SMC2: variants seen among roughly 807,000 people sequenced by gnomAD.
SMC2 encodes structural maintenance of chromosomes protein 2.
Under a neutral mutation model 142.6 loss-of-function variants are expected in SMC2, and 41 were observed. That is an observed-to-expected ratio of 0.29 (90% CI 0.22 to 0.37). The LOEUF is 0.37. SMC2 is among the 10% of genes least tolerant of loss of function. The probability of loss-of-function intolerance (pLI) is 1.00; values close to 1 mark genes in which losing one functional copy is unlikely to be tolerated. For missense variants in SMC2, 1,265 were observed against 1,373.7 expected (o/e 0.92, Z 1.25); for synonymous variants, 463 against 457.5 (o/e 1.01, Z -0.15).
intron 7 of SMC2, among the ~76,000 whole-genome samples, chr9:104,100,765 A>C (rs529396979): frequency 6.6e-6 from 1 of 152,308 alleles, no homozygotes; most frequent in South Asian, 2.1e-4. Flanking sequence ...ACTCTTAGAC[A>C]CCCTCATTGA....
rs922660787 is a variant in SMC2, at chr9:104,096,249, A to G, written c.270A>G (p.Gln90=). ...CTTTTGATAATTCTGACAAAAAGCA[A>G]AGTCCTTTAGGATTTGAGGTTCATG... ...SITFDNSDKK[Q]SPLGFEVHDE... is the part of the protein sequence containing the mutation. The change falls in exon 3 of 25, where the codon CAA becomes CAG. Residue 90 remains glutamine (Q), a synonymous_variant. Transcript: ENST00000374793. The G allele has an allele frequency of 3.1e-6, 5 of 1,614,074 alleles. No individual in the cohort carries two copies. In the African/African-American group the frequency reaches 5.3e-5, roughly 17 times the overall value.
intron 4 of SMC2, 72 bp downstream of exon 4, chr9:104,098,640 A>C: frequency 7.1e-7 from 1 of 1,399,800 alleles, no homozygotes; most frequent in Non-Finnish European, 9.8e-7. Flanking sequence ...CAATTAAAAT[A>C]GAAGTACTTT....
chr9:104,108,840 T>C (rs1367802995), intron 9 of SMC2, among the ~76,000 whole-genome samples: 2 of 152,112 alleles, frequency 1.3e-5, no homozygotes, highest in African/African-American at 4.8e-5. Flanking sequence ...CCCCATACAG[T>C]TGAGGGACCC....
intron 7 of SMC2, 83 bp from the exon 8 acceptor site, chr9:104,101,877 G>A (rs1831169898): frequency 2.5e-6 from 2 of 796,286 alleles, no homozygotes; most frequent in South Asian, 1.8e-5. Context: ...ATTATGTAAT[G>A]AGAAATTTGT....
intron 9 of SMC2, among the ~76,000 whole-genome samples, chr9:104,109,195 G>A (rs1832147128): frequency 6.6e-6 from 1 of 152,042 alleles, no homozygotes; most frequent in Non-Finnish European, 1.5e-5. Context: ...TAACATATCC[G>A]GAATAGAATT....
chr9:104,129,830 A>G lies in SMC2; in HGVS notation c.2976A>G (p.Thr992=). 1 of 1,613,346 alleles carries G rather than the reference A, an allele frequency of 6.2e-7. No homozygotes were observed. The highest frequency in any genetic ancestry group is 8.5e-7 in the Non-Finnish European group (1 of 1,179,518). Residue 992 remains threonine, a synonymous_variant, in exon 21 of 25, where the codon ACA becomes ACG. Transcript: ENST00000374793. Reference sequence around the variant, plus strand: ...ATATGAGAGCTATGAATGTATTGACAGAAGCTGAAGAGCGAGTAAGTCAAT... The same window carrying G: ...ATATGAGAGCTATGAATGTATTGACGGAAGCTGAAGAGCGAGTAAGTCAAT... ...NVNMRAMNVL[T]EAEERYNDLM...
intron 23 of SMC2, among the ~76,000 whole-genome samples, chr9:104,135,171 AAG>A (rs1835396214): frequency 6.6e-6 from 1 of 151,922 alleles, no homozygotes; most frequent in Non-Finnish European, 1.5e-5. Flanking sequence ...ATCAAAATTA[AAG>A]AGAAAAATTA....
chr9:104,095,434 G>A lies in SMC2; in HGVS notation c.50G>A (p.Arg17Lys), dbSNP rs1349170852. Residue 17 changes from arginine to lysine, a missense_variant, in exon 2 of 25, where the codon AGG becomes AAG. By Grantham distance (26) the Arg-to-Lys change is conservative (BLOSUM62 2). Around this residue, in one of 4 missense-constraint regions of SMC2, gnomAD observed 168 missense variants for 184.8 expected, o/e 0.91. Transcript: ENST00000374793. The stretch of plus-strand genomic sequence containing the variant: ...GAGGGATTCAAGTCCTATGCTCAGA[G>A]GACCGAAGTCAATGGTTTTGACCCC... The part of the protein sequence containing the change: ...ILEGFKSYAQ[R>K]TEVNGFDPLF... 3 of 1,613,758 alleles carry A rather than the reference G, an allele frequency of 1.9e-6. No homozygotes were observed. The highest frequency in any genetic ancestry group is 2.5e-6 in the Non-Finnish European group (3 of 1,179,974).
intron 21 of SMC2, among the ~76,000 whole-genome samples, chr9:104,131,434 G>A (rs1407289378): frequency 6.6e-6 from 1 of 152,014 alleles, no homozygotes; most frequent in Non-Finnish European, 1.5e-5. Flanking sequence ...CTGGTTGATT[G>A]GTGCAGCAAG....
intron 15 of SMC2, among the ~76,000 whole-genome samples, chr9:104,119,706 C>G (rs2131444939): frequency 6.6e-6 from 1 of 152,264 alleles, no homozygotes; most frequent in South Asian, 2.1e-4. Context: ...CTAAAGTTTA[C>G]TTTCAGAAGA....
At chr9:104,137,256 T>C (rs1394540283) in intron 23 of SMC2, among the ~76,000 whole-genome samples, 1 of 152,156 alleles carries the variant, frequency 6.6e-6, no homozygotes, top group Non-Finnish European at 1.5e-5. Context: ...TAATTTTTAG[T>C]CTAATGTTAA....
In SMC2 at chr9:104,141,371, A is replaced by G. The variant is rs1394515160; in HGVS notation, c.*2056A>G. ...GAACCTAAGATATACTACGTCACTG[A>G]CAGCTTGAACATTTGTATTTATTGT... On this transcript the variant is annotated 3_prime_UTR_variant, in exon 25 of 25. Transcript: ENST00000374793. 6.6e-6 allele frequency: 1 copy of G among 152,180 alleles called. No individual in the cohort carries two copies. The highest frequency in any genetic ancestry group is 1.5e-5 in the Non-Finnish European group (1 of 68,030). The allele number at this position is 152,180 out of a possible 1,614,324, so 9.4% of individuals were successfully genotyped here. A position where few individuals can be genotyped will look rare whatever the true frequency, so the allele number is the denominator to read the frequency against.
At chr9:104,109,994 A>G (rs944246761) in intron 9 of SMC2, among the ~76,000 whole-genome samples, 2 of 152,226 alleles carry the variant, frequency 1.3e-5, no homozygotes. Flanking sequence ...ATAATTTTGT[A>G]GCCACCTCCT....
chr9:104,113,898 T>G, intron 11 of SMC2, 66 bp from the exon 12 acceptor site: 3 of 951,768 alleles, frequency 3.2e-6, no homozygotes, highest in Non-Finnish European at 1.5e-6. Context: ...GTTGCTAATA[T>G]TTTCCTTAAA....
intron 9 of SMC2, among the ~76,000 whole-genome samples, chr9:104,106,090 G>A (rs1831738154): frequency 6.6e-6 from 1 of 152,086 alleles, no homozygotes; most frequent in African/African-American, 2.4e-5. Flanking sequence ...CTCACTAATA[G>A]GCCATCTTGA....
chr9:104,100,000 T>G, intron 5 of SMC2, 93 bp from the exon 6 acceptor site: 2 of 746,322 alleles, frequency 2.7e-6, no homozygotes, highest in Non-Finnish European at 4.4e-6. Flanking sequence ...GTAAGATGTT[T>G]AGTGAGGTCA....
intron 14 of SMC2, among the ~76,000 whole-genome samples, chr9:104,117,932 C>G (rs1243954274): frequency 6.6e-6 from 1 of 152,088 alleles, no homozygotes; most frequent in African/African-American, 2.4e-5. Flanking sequence ...TCATAATGCT[C>G]CATACTAGCT....
intron 3 of SMC2, among the ~76,000 whole-genome samples, chr9:104,096,933 G>A (rs895488811): frequency 6.6e-6 from 1 of 152,008 alleles, no homozygotes; most frequent in Non-Finnish European, 1.5e-5. Flanking sequence ...ACCTTAGATT[G>A]GGTGTACCAA....
At chr9:104,132,179 G>A in intron 22 of SMC2, 54 bp downstream of exon 22, 1 of 910,244 alleles carries the variant, frequency 1.1e-6, no homozygotes, top group South Asian at 1.4e-5. Context: ...AATATCATCA[G>A]TGGAGTTATA....
Sources: allele counts gnomAD v4.1 joint callset (sites outside exome capture counted in the v4.1 genomes callset), GRCh38; gene constraint gnomAD v4.1.1; regional missense constraint gnomAD v4.1.1; transcripts MANE v1.5; gene names NCBI Gene and HGNC (gene_info 2026-07-23, HGNC 2026-07-21).